Variants in ANKHD1 observed in about 807,000 individuals in gnomAD.
The protein encoded by ANKHD1 is ankyrin repeat and KH domain containing 1, also known as ankyrin repeat and KH domain-containing protein 1.
In ANKHD1, 31 loss-of-function variants were observed where a neutral mutation model predicts 230.5. That is an observed-to-expected ratio of 0.13 (90% CI 0.10 to 0.18). The LOEUF (loss-of-function observed/expected upper bound fraction) is 0.18. Ranked by LOEUF, ANKHD1 falls within the 10% of genes least tolerant of loss-of-function variation. ANKHD1 has a pLI of 1.00. For missense variants in ANKHD1, 2,256 were observed against 3,071.3 expected (o/e 0.73, Z 6.27); for synonymous variants, 1,074 against 1,117.6 (o/e 0.96, Z 0.78).
chr5:140,506,784 A>G lies in ANKHD1; in HGVS notation c.3409-51A>G. On this transcript the variant is annotated intron_variant, in intron 18 of 33. Transcript: ENST00000360839. The surrounding 1 kb of genome is among the most constrained non-coding windows in gnomAD (Gnocchi z 4.7). ...GTTTCTTTGTGTTTCCTTCATTATA[A>G]GTTGAGCCCTTGGTGTAAACTCTCT... 3.8e-6 allele frequency: 6 copies of G among 1,593,636 alleles called. No individual in the cohort carries two copies. The highest frequency in any genetic ancestry group is 5.1e-6 in the Non-Finnish European group (6 of 1,175,072).
intron 15 of ANKHD1, among the ~76,000 whole-genome samples, chr5:140,499,680 A>G (rs561487758): frequency 1.6e-3 from 246 of 152,262 alleles, no homozygotes; most frequent in Non-Finnish European, 2.1e-3. Context: ...TTCCAAACAG[A>G]CTATATAAAT....
intron 10 of ANKHD1, among the ~76,000 whole-genome samples, chr5:140,480,501 C>T (rs535209119): frequency 6.6e-5 from 10 of 151,998 alleles, no homozygotes; most frequent in Non-Finnish European, 1.2e-4. Context: ...GTTGATATGA[C>T]CTAATTATGT....
chr5:140,515,504 G>A (rs1013165113), intron 24 of ANKHD1, among the ~76,000 whole-genome samples: 1 of 152,210 alleles, frequency 6.6e-6, no homozygotes, highest in African/African-American at 2.4e-5. Flanking sequence ...AGCTCCCAGC[G>A]TGAGCGACGC....
chr5:140,439,717 G>A (rs1366635895), intron 3 of ANKHD1, among the ~76,000 whole-genome samples: 2 of 149,378 alleles, frequency 1.3e-5, no homozygotes, highest in Non-Finnish European at 3.0e-5. Context: ...GCTGATGAGC[G>A]AAAAGAAAAA....
chr5:140,423,701 G>C (rs1357757454), intron 1 of ANKHD1, among the ~76,000 whole-genome samples: 2 of 151,992 alleles, frequency 1.3e-5, no homozygotes, highest in African/African-American at 4.8e-5. Context: ...TATGTATATT[G>C]CATAAACATC....
intron 15 of ANKHD1, among the ~76,000 whole-genome samples, chr5:140,499,364 A>C (rs1752174489): frequency 6.6e-6 from 1 of 152,120 alleles, no homozygotes; most frequent in South Asian, 2.1e-4. Flanking sequence ...AGAGTAGGAC[A>C]AATATATAAT....
chr5:140,481,970 T>C (rs1751296132), intron 10 of ANKHD1, among the ~76,000 whole-genome samples: 1 of 151,572 alleles, frequency 6.6e-6, no homozygotes, highest in African/African-American at 2.4e-5. Flanking sequence ...GGTTAAAAAC[T>C]GTTTTATCAT....
intron 7 of ANKHD1, among the ~76,000 whole-genome samples, chr5:140,453,373 A>G (rs1249813247): frequency 6.6e-6 from 1 of 152,144 alleles, no homozygotes; most frequent in Non-Finnish European, 1.5e-5. Flanking sequence ...TGCCACAAAG[A>G]TACTCCTTGA....
intron 29 of ANKHD1, among the ~76,000 whole-genome samples, chr5:140,531,888 G>T (rs1753840575): frequency 6.6e-6 from 1 of 152,094 alleles, no homozygotes; most frequent in South Asian, 2.1e-4. Context: ...TATATCTATA[G>T]AATGTAATAT....
chr5:140,463,296 C>T (rs1206405070), intron 9 of ANKHD1, among the ~76,000 whole-genome samples: 1 of 152,134 alleles, frequency 6.6e-6, no homozygotes, highest in African/African-American at 2.4e-5. Flanking sequence ...GTAAGGTTAG[C>T]TCCTAAATCC....
At position 140,529,755 on chromosome 5, in the gene ANKHD1, G is replaced by A; in HGVS notation, c.6809G>A (p.Gly2270Asp). 6.2e-7 allele frequency: 1 copy of A among 1,614,088 alleles called. No homozygotes were observed. The change falls in exon 29 of 34, where the codon GGC becomes GAC. Residue 2270 changes from glycine (G) to aspartate (D), a missense_variant. Physicochemically the swap from Gly to Asp is moderately conservative, Grantham distance 94. Transcript: ENST00000360839. ...NMHPDNSKAPGFRPPSQRVST... is the reference protein window; with the variant it reads ...NMHPDNSKAPDFRPPSQRVST... Reference sequence around the variant, plus strand: ...CACCCTGATAACTCAAAGGCACCTGGCTTCAGACCACCTTCCCAGCGAGTT... The same window carrying A: ...CACCCTGATAACTCAAAGGCACCTGACTTCAGACCACCTTCCCAGCGAGTT...
chr5:140,418,007 TTTTTTTGTA>T (rs1361980677), intron 1 of ANKHD1, among the ~76,000 whole-genome samples: 1 of 151,348 alleles, frequency 6.6e-6, no homozygotes, highest in African/African-American at 2.4e-5. Flanking sequence ...GCCCGGCTAG[TTTTTTTGTA>T]TTTTTAGTAG....
chr5:140,519,248 A>C (rs1003457324), intron 24 of ANKHD1, among the ~76,000 whole-genome samples: 68 of 152,318 alleles, frequency 4.5e-4, no homozygotes, highest in Non-Finnish European at 9.0e-4. Flanking sequence ...TTCAAGGAGA[A>C]CTACAAACCA....
At chr5:140,416,814 A>G (rs1267799271) in intron 1 of ANKHD1, among the ~76,000 whole-genome samples, 1 of 148,352 alleles carries the variant, frequency 6.7e-6, no homozygotes, top group Non-Finnish European at 1.5e-5. Flanking sequence ...TATTTTGACT[A>G]TTCTGGGTCT....
rs150880898 is a variant in ANKHD1, at chr5:140,469,504, C to T, written c.1782+4728C>T. On this transcript the variant is annotated intron_variant, in intron 10 of 33. Coordinates refer to ENST00000360839, the MANE Select transcript of ANKHD1 (RefSeq NM_017747.3). Reference sequence around the variant, plus strand: ...CCGGGGCAATAGAGGGAGACCCTATCTCAAAAACAAACAAACAAACAAAAA... The same window carrying T: ...CCGGGGCAATAGAGGGAGACCCTATTTCAAAAACAAACAAACAAACAAAAA... 5.2e-3 allele frequency among the ~76,000 whole-genome samples: 784 copies of T among 152,086 alleles called. 2 individuals are homozygous for T. The highest frequency in any genetic ancestry group is 0.014 in the Middle Eastern group (4 of 294).
chr5:140,495,482 T>G (rs1751993727), intron 14 of ANKHD1, among the ~76,000 whole-genome samples: 1 of 152,100 alleles, frequency 6.6e-6, no homozygotes, highest in South Asian at 2.1e-4. Flanking sequence ...CCTGACCTTG[T>G]GATCCGCCTG....
At position 140,438,486 on chromosome 5, in the gene ANKHD1, T is replaced by C; in HGVS notation, c.486T>C (p.Asp162=). 6.2e-7 allele frequency: 1 copy of C among 1,611,692 alleles called. No individual in the cohort carries two copies. Among genetic ancestry groups the C allele is most frequent in the South Asian group, 1.1e-5 (1 of 90,720 alleles). Residue 162 remains aspartate, a synonymous_variant, in exon 3 of 34, where the codon GAT becomes GAC. Transcript: ENST00000360839. ...GAATTGGCAAATTGTCAACTGCTGA[T>C]GGTAAAGCTTTTGCAGATCCTGAGG... The part of the protein sequence containing the change: ...AAGIGKLSTA[D]GKAFADPEVL...
chr5:140,479,488 A>G (rs79570267), intron 10 of ANKHD1, among the ~76,000 whole-genome samples: 9 of 152,054 alleles, frequency 5.9e-5, no homozygotes, highest in East Asian at 1.9e-4. Context: ...ACTAAATCCA[A>G]TGCTCATAAG....
chr5:140,468,327 C>A (rs951955748), intron 10 of ANKHD1, among the ~76,000 whole-genome samples: 5 of 151,534 alleles, frequency 3.3e-5, no homozygotes, highest in African/African-American at 9.7e-5. Flanking sequence ...ACCTCTGTAA[C>A]CATAAAGTAA....
Sources: gnomAD v4.1 joint callset for allele counts (sites outside exome capture counted in the v4.1 genomes callset) on GRCh38, gnomAD v4.1.1 for gene constraint, Gnocchi (gnomAD v3.1) non-coding constraint, MANE v1.5 for transcripts, NCBI Gene and HGNC (gene_info 2026-07-23, HGNC 2026-07-21) for gene names.